The following CFAP157 variants were observed in gnomAD, a reference collection of about 807,000 sequenced individuals.
CFAP157 encodes cilia and flagella associated protein 157, also known as cilia- and flagella-associated protein 157.
CFAP157 carries 43 observed loss-of-function variants against 57.8 expected under a neutral mutation model. The observed-to-expected ratio is 0.74, with a 90% CI of 0.58 to 0.96. CFAP157 has a LOEUF of 0.96. Among genes scored for constraint, CFAP157 ranks in the 40% least tolerant of loss-of-function variants. CFAP157 has a pLI of 0.00. For missense variants in CFAP157, 606 were observed against 655.3 expected (o/e 0.92, Z 0.82); for synonymous variants, 267 against 269.0 (o/e 0.99, Z 0.07).
Position 127,714,004 on chromosome 9 carries a change from G to A in CFAP157, c.*99G>A. On this transcript the variant is annotated 3_prime_UTR_variant, in exon 9 of 9. Coordinates refer to ENST00000373295, the MANE Select transcript of CFAP157 (RefSeq NM_001012502.3). Reference sequence around the variant, plus strand: ...GCCTGGAACAGTCTAGAGGAGATTTGTATAAAAAGTAGATACCAAGGCTGG... The same window carrying A: ...GCCTGGAACAGTCTAGAGGAGATTTATATAAAAAGTAGATACCAAGGCTGG... 2 of 1,578,142 alleles carry A rather than the reference G, an allele frequency of 1.3e-6. No individual in the cohort carries two copies. Among genetic ancestry groups the A allele is most frequent in the Non-Finnish European group, 1.7e-6 (2 of 1,149,156 alleles).
Position 127,715,641 on chromosome 9 carries a change from C to T in CFAP157, c.*1736C>T. ...GCCCAAAAAGCCGCCCGGCCTCATG[C>T]TGCCCCCATTCACTCCGACACCGCC... On this transcript the variant is annotated 3_prime_UTR_variant, in exon 9 of 9. Coordinates refer to ENST00000373295, the MANE Select transcript of CFAP157 (RefSeq NM_001012502.3). The surrounding 1 kb of genome is among the most constrained non-coding windows in gnomAD (Gnocchi z 5.8). The T allele has an allele frequency of 6.2e-7, 1 of 1,611,302 alleles. No homozygotes were observed. Among genetic ancestry groups the T allele is most frequent in the South Asian group, 1.1e-5 (1 of 90,976 alleles).
intron 1 of CFAP157, among the ~76,000 whole-genome samples, chr9:127,708,022 A>G (rs1842685614): frequency 6.6e-6 from 1 of 152,126 alleles, no homozygotes; most frequent in African/African-American, 2.4e-5. Context: ...GGGAAGACTG[A>G]GGCTCAGAGA....
intron 2 of CFAP157, 141 bp from the exon 3 acceptor site, chr9:127,710,460 G>C (rs1842739001): frequency 1.0e-6 from 1 of 971,454 alleles, no homozygotes; most frequent in Admixed American, 2.5e-5. Flanking sequence ...CAGGGTAGGT[G>C]GGGGATGGTA....
chr9:127,709,370 G>C lies in CFAP157; in HGVS notation c.162-52G>C. On this transcript the variant is annotated intron_variant, in intron 1 of 8. Transcript: ENST00000373295. The surrounding 1 kb of genome is among the most constrained non-coding windows in gnomAD (Gnocchi z 4.7). ...GGAGAGTGGGCCCAGCTGCACCAGAGGCCTGGCTTGCCCAGCCTGACCCCT... is the reference window on the plus strand; with the variant it reads ...GGAGAGTGGGCCCAGCTGCACCAGACGCCTGGCTTGCCCAGCCTGACCCCT... The C allele has an allele frequency of 1.3e-6, 2 of 1,581,824 alleles. No homozygotes were observed. The highest frequency in any genetic ancestry group is 8.6e-7 in the Non-Finnish European group (1 of 1,162,374).
rs960230739 is a variant in CFAP157 at position 127,714,380 on chromosome 9, T to C, written c.*475T>C. 2.5e-6 allele frequency: 4 copies of C among 1,614,054 alleles called. No individual in the cohort carries two copies. The African/African-American group carries it at 5.3e-5, about 22-fold the overall frequency. On this transcript the variant is annotated 3_prime_UTR_variant, in exon 9 of 9. Transcript: ENST00000373295. The stretch of plus-strand genomic sequence containing the variant: ...TGCACAACAAAAGGGTAGACTCACA[T>C]TGGAGTTGAGGCAGCTAATGCAGGA...
In CFAP157 at chr9:127,711,222, T is replaced by C; in HGVS notation, c.588-7T>C. 4 of 1,613,000 alleles carry C rather than the reference T, an allele frequency of 2.5e-6. No individual in the cohort carries two copies. The highest frequency in any genetic ancestry group is 3.4e-6 in the Non-Finnish European group (4 of 1,179,242). ...CTGACCCCTTCCCCTCCCACCTTTC[T>C]GGCCAGACTGAGGAAAGAGATCATC... On this transcript the variant is annotated splice_region_variant and splice_polypyrimidine_tract_variant and intron_variant, in intron 3 of 8. Coordinates refer to ENST00000373295, the MANE Select transcript of CFAP157 (RefSeq NM_001012502.3).
Position 127,714,455 on chromosome 9 carries a change from C to T in CFAP157, c.*550C>T. The T allele has an allele frequency of 3.1e-6, 5 of 1,613,558 alleles. No homozygotes were observed. The highest frequency in any genetic ancestry group is 4.2e-6 in the Non-Finnish European group (5 of 1,179,486). On this transcript the variant is annotated 3_prime_UTR_variant, in exon 9 of 9. Coordinates refer to ENST00000373295, the MANE Select transcript of CFAP157 (RefSeq NM_001012502.3). ...AGGGATATGGGAGGGGCAGTTAGTG[C>T]CTCCCTGGGGCAGTGTCCTTCCACC...
chr9:127,710,269 G>C (rs59781486), intron 2 of CFAP157, among the ~76,000 whole-genome samples: 2,341 of 141,564 alleles, frequency 0.017, 74 homozygotes, highest in African/African-American at 0.057. Context: ...AGTGACAGAG[G>C]AAGACCCTGT....
At chr9:127,710,775 T>G (rs1391465694) in intron 3 of CFAP157, 21 bp downstream of exon 3, 1 of 1,554,164 alleles carries the variant, frequency 6.4e-7, no homozygotes, top group Admixed American at 1.9e-5. Context: ...GGGGCACCCT[T>G]TGGGGCCTTT....
At position 127,715,287 on chromosome 9, in the gene CFAP157, C is replaced by T. The variant is rs528222110; in HGVS notation, c.*1382C>T. The stretch of plus-strand genomic sequence containing the variant: ...GGGCCCCAACGCAGAGGAGCGGAAA[C>T]GCAGAGCAACGCTGCAGTGGGGAAG... On this transcript the variant is annotated 3_prime_UTR_variant, in exon 9 of 9. Transcript: ENST00000373295. The surrounding 1 kb of genome is among the most constrained non-coding windows in gnomAD (Gnocchi z 5.8). 1.5e-5 allele frequency: 21 copies of T among 1,391,652 alleles called. No homozygotes were observed. The South Asian group carries it at 2.5e-4, about 16-fold the overall frequency. 86.2% of individuals were successfully genotyped at this position (1,391,652 alleles called of 1,614,324 possible). A position where few individuals can be genotyped will look rare whatever the true frequency, so the allele number is the denominator to read the frequency against.
At chr9:127,712,949 G>A (rs1842801710) in intron 7 of CFAP157, 71 bp from the exon 8 acceptor site, 2 of 1,592,144 alleles carry the variant, frequency 1.3e-6, no homozygotes, top group East Asian at 2.3e-5. Flanking sequence ...CATGGGGACA[G>A]TGCTCGGCTC....
chr9:127,714,362 C>T lies in CFAP157; in HGVS notation c.*457C>T, dbSNP rs370341445. 4.3e-6 allele frequency: 7 copies of T among 1,614,232 alleles called. No homozygotes were observed. The highest frequency in any genetic ancestry group is 5.9e-6 in the Non-Finnish European group (7 of 1,180,040). On this transcript the variant is annotated 3_prime_UTR_variant, in exon 9 of 9. Coordinates refer to ENST00000373295, the MANE Select transcript of CFAP157 (RefSeq NM_001012502.3). ...TGGCCCACCCGACCCAGTTGCACAA[C>T]AAAAGGGTAGACTCACATTGGAGTT...
chr9:127,710,094 G>A (rs538929198), intron 2 of CFAP157, among the ~76,000 whole-genome samples: 44 of 152,074 alleles, frequency 2.9e-4, no homozygotes, highest in African/African-American at 5.6e-4. Context: ...GCAACATAGC[G>A]ACACTCCATC....
chr9:127,709,680 G>C lies in CFAP157; in HGVS notation c.420G>C (p.Glu140Asp). The change falls in exon 2 of 9, where the codon GAG becomes GAC. Residue 140 changes from glutamate (E) to aspartate (D), a missense_variant. Glu to Asp is a conservative substitution (Grantham distance 45, BLOSUM62 2). Coordinates refer to ENST00000373295, the MANE Select transcript of CFAP157 (RefSeq NM_001012502.3). The surrounding 1 kb of genome is among the most constrained non-coding windows in gnomAD (Gnocchi z 4.7). The part of the protein sequence containing the change: ...FQETKDQLTT[E>D]NIILGGKLAA... ...AGACCAAGGACCAGCTCACCACGGA[G>C]AACATCATCCTTGGTGAGGAGGGGA... 1 of 1,613,356 alleles carries C rather than the reference G, an allele frequency of 6.2e-7. No homozygotes were observed. The highest frequency in any genetic ancestry group is 8.5e-7 in the Non-Finnish European group (1 of 1,179,804).
At chr9:127,710,841 C>A in intron 3 of CFAP157, 87 bp downstream of exon 3, 2 of 1,453,670 alleles carry the variant, frequency 1.4e-6, no homozygotes, top group Non-Finnish European at 1.9e-6. Flanking sequence ...CAGCTTCTAA[C>A]TGGGGGGTTA....
In CFAP157 at chr9:127,708,479, AAATT is replaced by A. The variant is rs759674954; in HGVS notation, c.162-930_162-927del. ...GTGACAGATCGAGACTCCATTTCAA[AAATT>A]AATTAATTAATTTAATTTAATTAAA... On this transcript the variant is annotated intron_variant, in intron 1 of 8. Transcript: ENST00000373295. Among the ~76,000 whole-genome samples, 18 of 152,290 alleles carry A rather than the reference AAATT, an allele frequency of 1.2e-4. No homozygotes were observed. In the East Asian group the frequency reaches 2.3e-3, roughly 20 times the overall value.
Position 127,707,106 on chromosome 9 carries a change from G to C in CFAP157, c.75G>C (p.Pro25=), listed in dbSNP as rs377081638. The C allele has an allele frequency of 6.2e-7, 1 of 1,613,890 alleles. No individual in the cohort carries two copies. Among genetic ancestry groups the C allele is most frequent in the Non-Finnish European group, 8.5e-7 (1 of 1,180,020 alleles). Residue 25 remains proline (P), a synonymous_variant, in exon 1 of 9, where the codon CCG becomes CCC. Transcript: ENST00000373295. ...EVKKKGGKKE[P]VVAVEPPLAK... is the part of the protein sequence containing the mutation. Reference sequence around the variant, plus strand: ...AGAAGAAAGGGGGCAAGAAGGAGCCGGTGGTGGCCGTGGAGCCGCCTCTGG... The same window carrying C: ...AGAAGAAAGGGGGCAAGAAGGAGCCCGTGGTGGCCGTGGAGCCGCCTCTGG...
rs759464656 is a variant in CFAP157 at position 127,715,906 on chromosome 9, G to GC, written c.*2007dup. On this transcript the variant is annotated 3_prime_UTR_variant, in exon 9 of 9. Coordinates refer to ENST00000373295, the MANE Select transcript of CFAP157 (RefSeq NM_001012502.3). This position sits in a 1 kb window ranked among gnomAD's most constrained non-coding sequence, Gnocchi z 5.8. ...ACCTTCGGTTGGGAGGCCTTGTTATGCCCCCCGCTATGGCCCTGACTTGCG... is the reference window on the plus strand; with the variant it reads ...ACCTTCGGTTGGGAGGCCTTGTTATGCCCCCCCGCTATGGCCCTGACTTGCG... 339 of 769,014 alleles carry GC rather than the reference G, an allele frequency of 4.4e-4. No individual in the cohort carries two copies. The highest frequency in any genetic ancestry group is 6.1e-4 in the Non-Finnish European group (298 of 489,040). 47.6% of individuals were successfully genotyped at this position (769,014 alleles called of 1,614,324 possible). A position where few individuals can be genotyped will look rare whatever the true frequency, so the allele number is the denominator to read the frequency against.
Position 127,713,983 on chromosome 9 carries a change from G to A in CFAP157, c.*78G>A. On this transcript the variant is annotated 3_prime_UTR_variant, in exon 9 of 9. Transcript: ENST00000373295. ...CCCCACTTTAATCCGCAGGCAGCCTGGAACAGTCTAGAGGAGATTTGTATA... is the reference window on the plus strand; with the variant it reads ...CCCCACTTTAATCCGCAGGCAGCCTAGAACAGTCTAGAGGAGATTTGTATA... 2 of 1,578,266 alleles carry A rather than the reference G, an allele frequency of 1.3e-6. No homozygotes were observed. The highest frequency in any genetic ancestry group is 1.1e-5 in the South Asian group (1 of 90,264).
Sources: allele counts gnomAD v4.1 joint callset (sites outside exome capture counted in the v4.1 genomes callset), GRCh38; gene constraint gnomAD v4.1.1; non-coding constraint Gnocchi (gnomAD v3.1); transcripts MANE v1.5; gene names NCBI Gene and HGNC (gene_info 2026-07-23, HGNC 2026-07-21).